LSAMP: variants seen among roughly 807,000 people sequenced by gnomAD.
The protein encoded by LSAMP is limbic system associated membrane protein, also known as limbic system-associated membrane protein.
In LSAMP, 7 loss-of-function variants were observed where a neutral mutation model predicts 38.6. That is an observed-to-expected ratio of 0.18 (90% CI 0.10 to 0.34). The LOEUF (loss-of-function observed/expected upper bound fraction) is 0.34. Among genes scored for constraint, LSAMP ranks in the 10% least tolerant of loss-of-function variants. The pLI is 1.00. For synonymous variants in LSAMP, 154 were observed against 166.8 expected (o/e 0.92, Z 0.59); for missense variants, 313 against 420.0 (o/e 0.75, Z 2.23).
chr3:116,055,032 G>A (rs779137827), intron 2 of LSAMP, among the ~76,000 whole-genome samples: 1 of 152,198 alleles, frequency 6.6e-6, no homozygotes, highest in East Asian at 1.9e-4. Context: ...ACATAAGAAA[G>A]TAGTACAAAG....
intron 3 of LSAMP, among the ~76,000 whole-genome samples, chr3:115,885,577 A>G (rs1346487148): frequency 7.7e-6 from 1 of 130,556 alleles, no homozygotes; most frequent in Non-Finnish European, 1.6e-5. Flanking sequence ...TCCAGACTGG[A>G]TTCATGCTGT....
In LSAMP at chr3:115,814,594, C is replaced by T. The variant is rs149206032; in HGVS notation, c.920-4180G>A. Among the ~76,000 whole-genome samples, 899 of 152,254 alleles carry T rather than the reference C, an allele frequency of 5.9e-3. 8 individuals carry two copies. The highest frequency in any genetic ancestry group is 0.021 in the African/African-American group (864 of 41,556). The stretch of plus-strand genomic sequence containing the variant: ...TGTTGCTCCTCCTAGGAGCCCATTT[C>T]TTGGATTTAGGACTAAATTCATTCA... On this transcript the variant is annotated intron_variant, in intron 6 of 6. Transcript: ENST00000490035.
At chr3:116,201,722 A>C (rs184219099) in intron 1 of LSAMP, among the ~76,000 whole-genome samples, 39 of 152,334 alleles carry the variant, frequency 2.6e-4, no homozygotes, top group African/African-American at 9.1e-4. Flanking sequence ...GAAGCTGTTC[A>C]AGTACGGTGG....
intron 1 of LSAMP, among the ~76,000 whole-genome samples, chr3:116,241,037 C>T (rs547227037): frequency 6.6e-6 from 1 of 151,920 alleles, no homozygotes; most frequent in East Asian, 1.9e-4. Flanking sequence ...ATTAGCCGGG[C>T]ATGGTGGCGC....
chr3:116,190,088 G>GACACACACAC (rs3071108), intron 1 of LSAMP, among the ~76,000 whole-genome samples: 7,743 of 142,482 alleles, frequency 0.054, 274 homozygotes, highest in Non-Finnish European at 0.057. Context: ...TCCAGTAGTA[G>GACACACACAC]ACACACACAC....
At chr3:115,948,195 T>G (rs1445029875) in intron 3 of LSAMP, among the ~76,000 whole-genome samples, 1 of 152,180 alleles carries the variant, frequency 6.6e-6, no homozygotes, top group Admixed American at 6.5e-5. Flanking sequence ...ACAAATCATA[T>G]AACAAAGACA....
At chr3:115,867,428 GCCCCACAAAT>G (rs1422635648) in intron 3 of LSAMP, among the ~76,000 whole-genome samples, 1 of 152,038 alleles carries the variant, frequency 6.6e-6, no homozygotes, top group Non-Finnish European at 1.5e-5. Flanking sequence ...AAAAAGTTAA[GCCCCACAAAT>G]CCTCCCCTTT....
chr3:116,378,936 T>C (rs1292535615), intron 1 of LSAMP, among the ~76,000 whole-genome samples: 1 of 151,642 alleles, frequency 6.6e-6, no homozygotes, highest in East Asian at 1.9e-4. Context: ...AAGTAATGCA[T>C]GTCCCAGGAT....
intron 1 of LSAMP, among the ~76,000 whole-genome samples, chr3:116,323,280 C>T (rs2047728870): frequency 6.6e-6 from 1 of 152,080 alleles, no homozygotes; most frequent in Non-Finnish European, 1.5e-5. Context: ...TGATTATTTC[C>T]CCTTACTTTT....
chr3:116,276,365 G>A (rs2047051444), intron 1 of LSAMP, among the ~76,000 whole-genome samples: 1 of 152,154 alleles, frequency 6.6e-6, no homozygotes, highest in Non-Finnish European at 1.5e-5. Context: ...ATTAGTTTAA[G>A]CTGGAAATAA....
intron 1 of LSAMP, among the ~76,000 whole-genome samples, chr3:116,212,867 G>T (rs1030974060): frequency 1.3e-5 from 2 of 152,090 alleles, no homozygotes; most frequent in Non-Finnish European, 2.9e-5. Flanking sequence ...CAGGGAATCT[G>T]ATTTATTTGT....
chr3:116,369,793 G>T (rs1038023128), intron 1 of LSAMP: 1 of 152,506 alleles, frequency 6.6e-6, no homozygotes, highest in Non-Finnish European at 1.5e-5. Flanking sequence ...GGCCTTTAAT[G>T]TGGGCCCCTA....
intron 1 of LSAMP, among the ~76,000 whole-genome samples, chr3:116,254,167 C>T (rs1376072489): frequency 6.6e-6 from 1 of 152,024 alleles, no homozygotes; most frequent in Non-Finnish European, 1.5e-5. Context: ...CCATCCAACA[C>T]AGAGAAGGAG....
intron 1 of LSAMP, among the ~76,000 whole-genome samples, chr3:116,115,912 T>G (rs1232973255): frequency 7.2e-5 from 11 of 152,026 alleles, no homozygotes. Flanking sequence ...ATTTTATACT[T>G]AAATGTCCGT....
intron 6 of LSAMP, among the ~76,000 whole-genome samples, chr3:115,839,254 CTTCT>C (rs1208943503): frequency 0.078 from 7,935 of 102,066 alleles, 421 homozygotes; most frequent in African/African-American, 0.11. Flanking sequence ...TCCTTCCTTC[CTTCT>C]TTCTTTCCTT....
chr3:115,912,996 T>C (rs1329517464), intron 3 of LSAMP, among the ~76,000 whole-genome samples: 2 of 152,220 alleles, frequency 1.3e-5, no homozygotes, highest in East Asian at 3.8e-4. Context: ...AGTTGTGTTT[T>C]TCTAGAAGTA....
At chr3:116,306,789 G>C (rs137985260) in intron 1 of LSAMP, among the ~76,000 whole-genome samples, 67 of 152,104 alleles carry the variant, frequency 4.4e-4, no homozygotes, top group African/African-American at 1.6e-3. Flanking sequence ...GTGAAAACAG[G>C]TTTTATGTCC....
chr3:115,870,186 G>A (rs1425504330), intron 3 of LSAMP, among the ~76,000 whole-genome samples: 1 of 152,000 alleles, frequency 6.6e-6, no homozygotes, highest in East Asian at 1.9e-4. Context: ...TTGCAACAGA[G>A]ACCCTATGGC....
intron 1 of LSAMP, among the ~76,000 whole-genome samples, chr3:116,092,839 G>A (rs1256592757): frequency 1.3e-5 from 2 of 152,162 alleles, no homozygotes; most frequent in Non-Finnish European, 1.5e-5. Context: ...TATCTATGAT[G>A]TAATTGATAC....
Sources: allele counts gnomAD v4.1 joint callset (sites outside exome capture counted in the v4.1 genomes callset), GRCh38; gene constraint gnomAD v4.1.1; transcripts MANE v1.5; gene names NCBI Gene and HGNC (gene_info 2026-07-23, HGNC 2026-07-21).